OLFM2: variants seen among roughly 807,000 people sequenced by gnomAD.
OLFM2 encodes the protein olfactomedin 2.
In OLFM2, 20 loss-of-function variants were observed where a neutral mutation model predicts 43.9. That is an observed-to-expected ratio of 0.46 (90% CI 0.32 to 0.66). The LOEUF (loss-of-function observed/expected upper bound fraction) is 0.66, where lower values mean the gene tolerates loss of function less well. Ranked by LOEUF, OLFM2 falls within the 30% of genes least tolerant of loss-of-function variation. The probability of loss-of-function intolerance (pLI) is 0.04; values close to 1 mark genes in which losing one functional copy is unlikely to be tolerated. For synonymous variants in OLFM2, 268 were observed against 278.6 expected (o/e 0.96, Z 0.38); for missense variants, 416 against 643.6 (o/e 0.65, Z 3.83).
chr19:9,932,884 C>A (rs1465540853), intron 1 of OLFM2, among the ~76,000 whole-genome samples: 2 of 152,246 alleles, frequency 1.3e-5, no homozygotes, highest in East Asian at 1.9e-4. Context: ...TTGGATAGAT[C>A]CTGGATGAAT....
intron 1 of OLFM2, among the ~76,000 whole-genome samples, chr19:9,928,907 G>A (rs139476546): frequency 1.1e-4 from 16 of 152,078 alleles, no homozygotes; most frequent in African/African-American, 3.4e-4. Context: ...TTGGTTTGTG[G>A]CTGCACTCTG....
intron 1 of OLFM2, among the ~76,000 whole-genome samples, chr19:9,871,681 C>A (rs1045179127): frequency 4.6e-5 from 7 of 152,220 alleles, no homozygotes; most frequent in Non-Finnish European, 7.4e-5. Context: ...TGGCTTGCGG[C>A]ACCTCTCCTG....
At chr19:9,884,102 C>A (rs1449793167) in intron 1 of OLFM2, among the ~76,000 whole-genome samples, 1 of 151,732 alleles carries the variant, frequency 6.6e-6, no homozygotes, top group South Asian at 2.1e-4. Context: ...ACCTCCGTCT[C>A]TAACAAAAAT....
At chr19:9,912,731 G>A (rs916758229) in intron 1 of OLFM2, among the ~76,000 whole-genome samples, 6 of 151,962 alleles carry the variant, frequency 3.9e-5, no homozygotes, top group Non-Finnish European at 5.9e-5. Context: ...CGCCATCCTG[G>A]AGCTTCTGGA....
chr19:9,859,959 T>C (rs925526386), intron 2 of OLFM2, among the ~76,000 whole-genome samples: 3 of 152,048 alleles, frequency 2.0e-5, no homozygotes, highest in Non-Finnish European at 4.4e-5. Flanking sequence ...ATGACTAATA[T>C]GGTGAAACCC....
chr19:9,886,354 C>A (rs912504359), intron 1 of OLFM2, among the ~76,000 whole-genome samples: 2 of 151,380 alleles, frequency 1.3e-5, no homozygotes, highest in African/African-American at 2.4e-5. Context: ...TACAGGCACA[C>A]ACCACCATGC....
At position 9,856,232 on chromosome 19, in the gene OLFM2, G is replaced by T. The variant is rs2046316501; in HGVS notation, c.687+575C>A. Among the ~76,000 whole-genome samples, 1 of 152,178 alleles carries T rather than the reference G, an allele frequency of 6.6e-6. No individual in the cohort carries two copies. Among genetic ancestry groups the T allele is most frequent in the African/African-American group, 2.4e-5 (1 of 41,450 alleles). On this transcript the variant is annotated intron_variant, in intron 5 of 5. Coordinates refer to ENST00000264833, the MANE Select transcript of OLFM2 (RefSeq NM_058164.4). The surrounding 1 kb of genome is among the most constrained non-coding windows in gnomAD (Gnocchi z 4.0). Reference sequence around the variant, plus strand: ...TCCTGCCTCAGCCTCCCGAGTAGCTGGGATTACAGGCATGCACCACCATGT... The same window carrying T: ...TCCTGCCTCAGCCTCCCGAGTAGCTTGGATTACAGGCATGCACCACCATGT...
intron 1 of OLFM2, among the ~76,000 whole-genome samples, chr19:9,914,232 C>T (rs564869007): frequency 5.2e-4 from 79 of 152,238 alleles, no homozygotes; most frequent in Non-Finnish European, 8.1e-4. Context: ...GTCGCAAATC[C>T]CCACCCACCC....
At chr19:9,908,848 A>G (rs2144988144) in intron 1 of OLFM2, among the ~76,000 whole-genome samples, 1 of 151,968 alleles carries the variant, frequency 6.6e-6, no homozygotes, top group Non-Finnish European at 1.5e-5. Flanking sequence ...AAGTGCTGGG[A>G]TTACAGGTGT....
chr19:9,859,429 G>A (rs1336027431), intron 2 of OLFM2, among the ~76,000 whole-genome samples: 7 of 152,110 alleles, frequency 4.6e-5, no homozygotes, highest in Non-Finnish European at 7.3e-5. Flanking sequence ...CAGTTCTCCT[G>A]CCTCAGCCTC....
chr19:9,926,722 G>A (rs1402263648), intron 1 of OLFM2, among the ~76,000 whole-genome samples: 2 of 152,158 alleles, frequency 1.3e-5, no homozygotes, highest in Admixed American at 6.6e-5. Flanking sequence ...GCTCACGCCT[G>A]TAATCCCAGC....
chr19:9,913,643 C>T (rs1393281709), intron 1 of OLFM2: 4 of 1,251,616 alleles, frequency 3.2e-6, no homozygotes, highest in Non-Finnish European at 3.0e-6. Context: ...TGCCCCGCGG[C>T]CGCCCGCCGC....
In OLFM2 at chr19:9,854,470, A is replaced by C. The variant is rs1223231347; in HGVS notation, c.1081T>G (p.Trp361Gly). Reference sequence around the variant, plus strand: ...CTGCGCTTGGGGTAGCCGGTGTCCCAGGACCGCATGACCTCGAGGGTGTGC... The same window carrying C: ...CTGCGCTTGGGGTAGCCGGTGTCCCCGGACCGCATGACCTCGAGGGTGTGC... Reference protein sequence around the residue: ...DPHTLEVMRSWDTGYPKRSAG... With the variant: ...DPHTLEVMRSGDTGYPKRSAG... Residue 361 changes from tryptophan (W) to glycine (G), a missense_variant, in exon 6 of 6, where the codon TGG becomes GGG. Coordinates refer to ENST00000264833, the MANE Select transcript of OLFM2 (RefSeq NM_058164.4). The surrounding 1 kb of genome is among the most constrained non-coding windows in gnomAD (Gnocchi z 9.5). 2 of 1,613,972 alleles carry C rather than the reference A, an allele frequency of 1.2e-6. No individual in the cohort carries two copies.
chr19:9,912,540 G>C (rs2046835654), intron 1 of OLFM2, among the ~76,000 whole-genome samples: 1 of 152,060 alleles, frequency 6.6e-6, no homozygotes, highest in Admixed American at 6.6e-5. Flanking sequence ...TTGAGGAGTG[G>C]GGGGAAAGGC....
At chr19:9,936,258 C>T in intron 1 of OLFM2, 46 bp downstream of exon 1, 1 of 1,524,568 alleles carries the variant, frequency 6.6e-7, no homozygotes, top group Non-Finnish European at 8.8e-7. Context: ...CGCCCCCCTC[C>T]TCTCCCGGAG....
intron 1 of OLFM2, among the ~76,000 whole-genome samples, chr19:9,893,124 C>T (rs893531977): frequency 1.3e-5 from 2 of 151,962 alleles, no homozygotes; most frequent in Admixed American, 1.3e-4. Context: ...TGACTCTAGT[C>T]TGTCATAGAG....
chr19:9,876,335 C>G (rs997845234), intron 1 of OLFM2, among the ~76,000 whole-genome samples: 3 of 152,148 alleles, frequency 2.0e-5, no homozygotes, highest in African/African-American at 7.2e-5. Context: ...ACACCGATAG[C>G]CAGGGACACC....
At chr19:9,882,420 C>A (rs571494328) in intron 1 of OLFM2, among the ~76,000 whole-genome samples, 1 of 151,154 alleles carries the variant, frequency 6.6e-6, no homozygotes, top group Non-Finnish European at 1.5e-5. Context: ...CGCCTGTAGT[C>A]CCAGCTACTC....
intron 1 of OLFM2, among the ~76,000 whole-genome samples, chr19:9,899,701 G>A (rs564543455): frequency 2.0e-5 from 3 of 151,934 alleles, no homozygotes; most frequent in South Asian, 2.1e-4. Flanking sequence ...ACAGGTGCAC[G>A]CCACCATGCC....
Sources: allele counts gnomAD v4.1 joint callset (sites outside exome capture counted in the v4.1 genomes callset), GRCh38; gene constraint gnomAD v4.1.1; non-coding constraint Gnocchi (gnomAD v3.1); transcripts MANE v1.5; gene names NCBI Gene and HGNC (gene_info 2026-07-23, HGNC 2026-07-21).